MAPKAPK2: variants seen among roughly 807,000 people sequenced by gnomAD.
The protein encoded by MAPKAPK2 is MAPK activated protein kinase 2.
A neutral mutation model predicts 48.8 loss-of-function variants in MAPKAPK2; 9 were observed. That is an observed-to-expected ratio of 0.18 (90% CI 0.11 to 0.32). MAPKAPK2 has a LOEUF of 0.32. MAPKAPK2 is among the 10% of genes least tolerant of loss of function. The pLI is 1.00. For missense variants in MAPKAPK2, 331 were observed against 498.3 expected (o/e 0.66, Z 3.20); for synonymous variants, 202 against 190.6 (o/e 1.06, Z -0.49).
chr1:206,703,961 G>A (rs6691223), intron 1 of MAPKAPK2, among the ~76,000 whole-genome samples: 30,241 of 152,238 alleles, frequency 0.2, 3,161 homozygotes, highest in Middle Eastern at 0.31. Context: ...CCTGGGGGAG[G>A]TGAGCATCTG....
chr1:206,699,664 A>G (rs1248848599), intron 1 of MAPKAPK2, among the ~76,000 whole-genome samples: 2 of 152,258 alleles, frequency 1.3e-5, no homozygotes, highest in Non-Finnish European at 2.9e-5. Context: ...TTGGGCCCTC[A>G]TATGGCTTCT....
Position 206,685,412 on chromosome 1 carries a change from T to C in MAPKAPK2, c.183T>C (p.Asp61=), listed in dbSNP as rs186213943. The change falls in exon 1 of 10, where the codon GAT becomes GAC. Residue 61 remains aspartate, a synonymous_variant. Transcript: ENST00000367103. ...AGATCAAGAAGAACGCCATCATCGA[T>C]GACTACAAGGTCACCAGCCAGGTCC... ...GLQIKKNAII[D]DYKVTSQVLG... 4.4e-5 allele frequency: 67 copies of C among 1,524,942 alleles called. No homozygotes were observed. In the Admixed American group the frequency reaches 1.2e-3, roughly 27 times the overall value. The allele number at this position is 1,524,942 out of a possible 1,614,324, so 94.5% of individuals were successfully genotyped here.
rs115831461 is a variant in MAPKAPK2 at position 206,707,272 on chromosome 1, A to G, written c.280-21438A>G. 7.8e-3 allele frequency among the ~76,000 whole-genome samples: 1,185 copies of G among 151,730 alleles called. 11 individuals are homozygous for G. The highest frequency in any genetic ancestry group is 0.028 in the African/African-American group (1,153 of 41,338). ...CTCCAGAGACTTCCTCCAGGCCCCC[A>G]CTAAGTAGTCTGTTCCCAACTCCAT... On this transcript the variant is annotated intron_variant, in intron 1 of 9. Transcript: ENST00000367103.
intron 1 of MAPKAPK2, among the ~76,000 whole-genome samples, chr1:206,698,285 G>A (rs557936659): frequency 7.2e-5 from 11 of 152,192 alleles, no homozygotes; most frequent in Non-Finnish European, 1.5e-4. Flanking sequence ...ATCCTCTTGG[G>A]TTTAGACCCC....
At chr1:206,722,358 TCAAAAA>T (rs1192783589) in intron 1 of MAPKAPK2, among the ~76,000 whole-genome samples, 4 of 151,758 alleles carry the variant, frequency 2.6e-5, no homozygotes, top group Admixed American at 6.6e-5. Context: ...AGACTCTGTC[TCAAAAA>T]CAAAAACAAA....
chr1:206,696,932 G>C lies in MAPKAPK2; in HGVS notation c.279+11424G>C, dbSNP rs1553427147. On this transcript the variant is annotated intron_variant, in intron 1 of 9. Transcript: ENST00000367103. ...AGAGTGATGATCTCTCACATTGTCT[G>C]TTCTCATTCTTCTGCTGCTGAAAAG... 3.9e-5 allele frequency among the ~76,000 whole-genome samples: 6 copies of C among 152,286 alleles called. No homozygotes were observed. In the South Asian group the frequency reaches 1.2e-3, roughly 32 times the overall value.
chr1:206,727,911 C>A (rs1673756752), intron 1 of MAPKAPK2, among the ~76,000 whole-genome samples: 2 of 152,330 alleles, frequency 1.3e-5, no homozygotes, highest in South Asian at 4.1e-4. Context: ...GCACGAGCCA[C>A]CGTGCCCGGC....
intron 1 of MAPKAPK2, among the ~76,000 whole-genome samples, chr1:206,728,139 A>G (rs556069782): frequency 1.3e-5 from 2 of 152,320 alleles, no homozygotes; most frequent in Middle Eastern, 3.4e-3. Context: ...AACTTGCTCA[A>G]GCTTGGAAAT....
chr1:206,697,113 G>GC (rs1420037929), intron 1 of MAPKAPK2, among the ~76,000 whole-genome samples: 1 of 152,142 alleles, frequency 6.6e-6, no homozygotes, highest in Non-Finnish European at 1.5e-5. Flanking sequence ...CTGTTCCAAG[G>GC]CCCCTCCTAT....
chr1:206,707,749 T>C (rs1285345978), intron 1 of MAPKAPK2, among the ~76,000 whole-genome samples: 4 of 152,156 alleles, frequency 2.6e-5, no homozygotes, highest in Admixed American at 2.6e-4. Flanking sequence ...TGCTCACTGA[T>C]TTAGCATTTG....
intron 1 of MAPKAPK2, among the ~76,000 whole-genome samples, chr1:206,724,382 G>A (rs6540574): frequency 0.54 from 82,102 of 151,788 alleles, 22,183 homozygotes; most frequent in East Asian, 0.61. Context: ...GGCCTTCTGC[G>A]CTCCACACTT....
Position 206,731,017 on chromosome 1 carries a change from T to G in MAPKAPK2, c.768-121T>G. ...ACTTTGTATATTGTGCCTGTGTCAA[T>G]AAGCCCTGATTTCTCTGTGACCTTT... On this transcript the variant is annotated intron_variant, in intron 6 of 9. Transcript: ENST00000367103. This position sits in a 1 kb window ranked among gnomAD's most constrained non-coding sequence, Gnocchi z 5.9. 7.3e-7 allele frequency: 1 copy of G among 1,377,172 alleles called. No homozygotes were observed. Among genetic ancestry groups the G allele is most frequent in the East Asian group, 2.3e-5 (1 of 43,472 alleles). The allele number at this position is 1,377,172 out of a possible 1,614,324, so 85.3% of individuals were successfully genotyped here. A position where few individuals can be genotyped will look rare whatever the true frequency, so the allele number is the denominator to read the frequency against.
intron 1 of MAPKAPK2, among the ~76,000 whole-genome samples, chr1:206,714,139 C>G (rs1245169594): frequency 1.3e-5 from 2 of 152,174 alleles, no homozygotes. Context: ...GTCCTAGATC[C>G]ACCAAACAGC....
At position 206,733,464 on chromosome 1, in the gene MAPKAPK2, G is replaced by T. The variant is rs1478369122; in HGVS notation, c.*746G>T. ...CATACTGAGCCTGCCAAAGTGCCTG[G>T]GAAGCCCACCCAGATTCTGAAACAG... On this transcript the variant is annotated 3_prime_UTR_variant, in exon 10 of 10. Transcript: ENST00000367103. The T allele has an allele frequency of 1.3e-5, 2 of 152,292 alleles. No homozygotes were observed. The highest frequency in any genetic ancestry group is 2.9e-5 in the Non-Finnish European group (2 of 68,092). 9.4% of individuals were successfully genotyped at this position (152,292 alleles called of 1,614,324 possible).
chr1:206,730,829 A>G, intron 6 of MAPKAPK2, 66 bp downstream of exon 6: 1 of 1,516,098 alleles, frequency 6.6e-7, no homozygotes, highest in Non-Finnish European at 9.2e-7. Flanking sequence ...TCTCCAGGAC[A>G]AGAGGAAGAG....
At chr1:206,699,154 A>G (rs1210088548) in intron 1 of MAPKAPK2, among the ~76,000 whole-genome samples, 3 of 152,270 alleles carry the variant, frequency 2.0e-5, no homozygotes, top group African/African-American at 7.2e-5. Flanking sequence ...ACTTCCTCTC[A>G]AAATCCAGAT....
At chr1:206,697,485 G>A (rs1349896715) in intron 1 of MAPKAPK2, among the ~76,000 whole-genome samples, 1 of 152,112 alleles carries the variant, frequency 6.6e-6, no homozygotes, top group Non-Finnish European at 1.5e-5. Flanking sequence ...TGCTCATGGG[G>A]GAAGTTGAAG....
At chr1:206,721,871 G>C (rs1673529262) in intron 1 of MAPKAPK2, among the ~76,000 whole-genome samples, 1 of 152,178 alleles carries the variant, frequency 6.6e-6, no homozygotes, top group African/African-American at 2.4e-5. Context: ...TTTGAGACCA[G>C]CGTGACCAAC....
intron 1 of MAPKAPK2, among the ~76,000 whole-genome samples, chr1:206,711,248 G>T (rs1056319567): frequency 1.3e-3 from 201 of 151,612 alleles, no homozygotes; most frequent in South Asian, 2.3e-3. Flanking sequence ...AGTTTTTTTT[G>T]TTTGTTTGTT....
Sources: allele counts gnomAD v4.1 joint callset (sites outside exome capture counted in the v4.1 genomes callset), GRCh38; gene constraint gnomAD v4.1.1; non-coding constraint Gnocchi (gnomAD v3.1); transcripts MANE v1.5; gene names NCBI Gene and HGNC (gene_info 2026-07-23, HGNC 2026-07-21).